The following ACTR3C variants were observed in gnomAD, a reference collection of about 807,000 sequenced individuals.
The protein encoded by ACTR3C is actin related protein 3C, also known as actin-related protein 3C.
In ACTR3C, 18 loss-of-function variants were observed where a neutral mutation model predicts 26.3. The observed-to-expected ratio is 0.68, with a 90% CI of 0.47 to 1.01. The LOEUF is 1.01. Among genes scored for constraint, ACTR3C ranks in the 50% least tolerant of loss-of-function variants. The pLI is 0.00. For missense variants in ACTR3C, 184 were observed against 250.7 expected, an observed-to-expected ratio of 0.73 and a Z score of 1.80; for synonymous variants, 55 against 94.5, an observed-to-expected ratio of 0.58 and a Z score of 2.42.
the ACTR3C span, among the ~76,000 whole-genome samples, chr7:149,923,730 G>C: frequency 6.6e-6 from 1 of 152,140 alleles, no homozygotes; most frequent in Non-Finnish European, 1.5e-5. Context: ...AGGCATGGTG[G>C]CTCACCCCTG....
chr7:150,277,672 A>G (rs1217566801), intron 6 of ACTR3C, among the ~76,000 whole-genome samples: 1 of 151,734 alleles, frequency 6.6e-6, no homozygotes, highest in Non-Finnish European at 1.5e-5. Flanking sequence ...CCTCCTAGAT[A>G]AGCAGCAAGA....
the ACTR3C span, among the ~76,000 whole-genome samples, chr7:150,129,237 A>G: frequency 6.6e-6 from 1 of 152,034 alleles, no homozygotes; most frequent in Non-Finnish European, 1.5e-5. Context: ...TAACCTGCCA[A>G]AAGATATCTG....
At chr7:150,083,074 T>A in the ACTR3C span, among the ~76,000 whole-genome samples, 18 of 150,612 alleles carry the variant, frequency 1.2e-4, no homozygotes, top group African/African-American at 4.4e-4. Context: ...GCCTCCTGAG[T>A]AGCTGGGACT....
the ACTR3C span, among the ~76,000 whole-genome samples, chr7:149,913,301 A>G: frequency 1.1e-3 from 171 of 152,294 alleles, 1 homozygote; most frequent in South Asian, 0.02. Context: ...CCATTTACCA[A>G]AAAAAGAAAC....
the ACTR3C span, among the ~76,000 whole-genome samples, chr7:150,233,413 C>A: frequency 6.7e-6 from 1 of 149,678 alleles, no homozygotes; most frequent in Non-Finnish European, 1.5e-5. Context: ...GTTTACTGTT[C>A]TCTACTTCTT....
the ACTR3C span, among the ~76,000 whole-genome samples, chr7:150,106,521 A>G: frequency 6.7e-6 from 1 of 148,296 alleles, no homozygotes; most frequent in Non-Finnish European, 1.5e-5. Flanking sequence ...GGTATGGTGA[A>G]ATACACATGA....
At chr7:150,076,673 T>C in the ACTR3C span, 2 of 152,198 alleles carry the variant, frequency 1.3e-5, no homozygotes, top group Non-Finnish European at 2.9e-5. Flanking sequence ...CATAGGTAAG[T>C]ATTTGAAGGT....
the ACTR3C span, among the ~76,000 whole-genome samples, chr7:150,136,935 A>T: frequency 1.3e-5 from 2 of 152,146 alleles, no homozygotes; most frequent in Non-Finnish European, 2.9e-5. Context: ...TGGCTTCGGG[A>T]TGAAACTGTT....
chr7:150,070,510 G>A, the ACTR3C span, among the ~76,000 whole-genome samples: 2 of 152,186 alleles, frequency 1.3e-5, no homozygotes, highest in African/African-American at 2.4e-5. Context: ...GAGTGCGGTG[G>A]TACTAACATG....
the ACTR3C span, among the ~76,000 whole-genome samples, chr7:149,891,758 G>A: frequency 1.8e-5 from 2 of 108,856 alleles, no homozygotes; most frequent in Admixed American, 1.1e-4. Context: ...TCAGGAGGTC[G>A]AGGCTGCAGT....
At chr7:150,144,237 A>G in the ACTR3C span, among the ~76,000 whole-genome samples, 2 of 152,172 alleles carry the variant, frequency 1.3e-5, no homozygotes, top group Non-Finnish European at 2.9e-5. The surrounding 1 kb of genome is among the most constrained non-coding windows in gnomAD (Gnocchi z 4.6). Context: ...TTGAAAATGC[A>G]CTTGAGTGAA....
At chr7:150,152,249 C>T in the ACTR3C span, among the ~76,000 whole-genome samples, 1 of 152,104 alleles carries the variant, frequency 6.6e-6, no homozygotes, top group African/African-American at 2.4e-5. Context: ...CAGTTTTTGC[C>T]CATTCAGTAT....
chr7:150,172,796 A>C, the ACTR3C span, among the ~76,000 whole-genome samples: 1 of 150,704 alleles, frequency 6.6e-6, no homozygotes, highest in Admixed American at 6.6e-5. Flanking sequence ...AGCTGTTCCA[A>C]ATGGGAGAAA....
chr7:149,927,525 T>C, the ACTR3C span, among the ~76,000 whole-genome samples: 2 of 151,530 alleles, frequency 1.3e-5, no homozygotes, highest in Non-Finnish European at 2.9e-5. Context: ...GGTCAGGAGT[T>C]CAAGACCGGC....
intron 6 of ACTR3C, among the ~76,000 whole-genome samples, chr7:150,279,688 A>AC (rs1275646676): frequency 4.0e-5 from 6 of 151,886 alleles, no homozygotes; most frequent in African/African-American, 1.5e-4. Flanking sequence ...TGGCCTGTCC[A>AC]CCCACCCCCA....
At chr7:150,305,018 T>C (rs1206232702) in intron 1 of ACTR3C, among the ~76,000 whole-genome samples, 1 of 152,102 alleles carries the variant, frequency 6.6e-6, no homozygotes, top group Admixed American at 6.5e-5. Flanking sequence ...GGGAGTTTGA[T>C]TGTTCTCAGG....
the ACTR3C span, among the ~76,000 whole-genome samples, chr7:150,187,884 G>A: frequency 9.9e-5 from 15 of 151,332 alleles, no homozygotes; most frequent in South Asian, 3.2e-3. Context: ...TAACCTGGGG[G>A]AGATCTTTTA....
At chr7:150,305,996 A>C (rs1795780531) in intron 1 of ACTR3C, among the ~76,000 whole-genome samples, 1 of 152,112 alleles carries the variant, frequency 6.6e-6, no homozygotes, top group Non-Finnish European at 1.5e-5. Flanking sequence ...GTTAAGGACA[A>C]ATACCTGAAG....
chr7:150,234,077 G>T, the ACTR3C span, among the ~76,000 whole-genome samples: 42 of 152,060 alleles, frequency 2.8e-4, no homozygotes, highest in Middle Eastern at 3.2e-3. Context: ...TCTTGACTTT[G>T]GGCATCCTTA....
Sources: gnomAD v4.1 joint callset for allele counts (sites outside exome capture counted in the v4.1 genomes callset) on GRCh38, gnomAD v4.1.1 for gene constraint, Gnocchi (gnomAD v3.1) non-coding constraint, MANE v1.5 for transcripts, NCBI Gene and HGNC (gene_info 2026-07-23, HGNC 2026-07-21) for gene names.